CDC25A: variants seen among roughly 807,000 people sequenced by gnomAD.
The protein encoded by CDC25A is M-phase inducer phosphatase 1.
Under a neutral mutation model 64.6 loss-of-function variants are expected in CDC25A, and 17 were observed. That is an observed-to-expected ratio of 0.26 (90% CI 0.18 to 0.39). The LOEUF (loss-of-function observed/expected upper bound fraction) is 0.39. Among genes scored for constraint, CDC25A ranks in the 10% least tolerant of loss-of-function variants. CDC25A has a pLI of 1.00. For missense variants in CDC25A, 473 were observed against 654.8 expected, an observed-to-expected ratio of 0.72 and a Z score of 3.03; for synonymous variants, 229 against 238.6, an observed-to-expected ratio of 0.96 and a Z score of 0.37.
chr3:48,163,797 G>A (rs766035298), intron 13 of CDC25A, among the ~76,000 whole-genome samples: 3 of 152,156 alleles, frequency 2.0e-5, no homozygotes, highest in Non-Finnish European at 4.4e-5. Flanking sequence ...CTCTGCTGCA[G>A]TAGGGTCCTT....
intron 13 of CDC25A, among the ~76,000 whole-genome samples, chr3:48,163,422 T>C (rs1424564234): frequency 4.0e-5 from 6 of 150,394 alleles, no homozygotes; most frequent in African/African-American, 7.4e-5. Flanking sequence ...CTGACCAACA[T>C]GTAGAAACCC....
chr3:48,185,422 C>CAA (rs35677711), intron 2 of CDC25A, among the ~76,000 whole-genome samples: 1,386 of 89,322 alleles, frequency 0.016, 21 homozygotes, highest in South Asian at 0.04. Flanking sequence ...GACCCTGTCT[C>CAA]AAAAAAAAAA....
At chr3:48,161,474 T>C (rs928641634) in intron 13 of CDC25A, 6 of 152,602 alleles carry the variant, frequency 3.9e-5, no homozygotes, top group African/African-American at 1.4e-4. Flanking sequence ...CCAAGCACTT[T>C]GGGAGGCCAG....
At chr3:48,176,843 C>A (rs2032480933) in intron 8 of CDC25A, among the ~76,000 whole-genome samples, 1 of 151,360 alleles carries the variant, frequency 6.6e-6, no homozygotes, top group African/African-American at 2.4e-5. Flanking sequence ...TGGTGGCAGG[C>A]ACCTGTAATC....
At chr3:48,166,731 C>G (rs537387584) in intron 10 of CDC25A, among the ~76,000 whole-genome samples, 20 of 152,272 alleles carry the variant, frequency 1.3e-4, no homozygotes, top group African/African-American at 4.8e-4. Flanking sequence ...CAAATATAAC[C>G]AGGCCTCAAT....
chr3:48,161,043 C>A (rs1162402285), intron 13 of CDC25A: 1 of 149,318 alleles, frequency 6.7e-6, no homozygotes, highest in Non-Finnish European at 1.5e-5. Flanking sequence ...ATCCCAGCTA[C>A]TTGGGAGGCT....
At chr3:48,168,644 AAGAC>A (rs1223359029) in intron 9 of CDC25A, among the ~76,000 whole-genome samples, 1 of 150,780 alleles carries the variant, frequency 6.6e-6, no homozygotes, top group Non-Finnish European at 1.5e-5. Flanking sequence ...TTTTTTTAAA[AAGAC>A]AGAGTCTCGC....
chr3:48,177,582 C>T, intron 7 of CDC25A, 140 bp from the exon 8 acceptor site: 1 of 723,762 alleles, frequency 1.4e-6, no homozygotes. Flanking sequence ...CTATACCGTT[C>T]TGATTTCATG....
chr3:48,178,008 G>A lies in CDC25A; in HGVS notation c.550-20C>T. On this transcript the variant is annotated intron_variant, in intron 6 of 14. Coordinates refer to ENST00000302506, the MANE Select transcript of CDC25A (RefSeq NM_001789.3). The stretch of plus-strand genomic sequence containing the variant: ...GGAAAGCTGTAAGACAAAATTCATG[G>A]ATTAATAATGAGAGCTCTGATCCAC... The A allele has an allele frequency of 1.9e-6, 3 of 1,594,164 alleles. No homozygotes were observed. The highest frequency in any genetic ancestry group is 2.6e-6 in the Non-Finnish European group (3 of 1,169,570).
chr3:48,181,156 C>A (rs1371952458), intron 5 of CDC25A, among the ~76,000 whole-genome samples: 1 of 152,034 alleles, frequency 6.6e-6, no homozygotes, highest in African/African-American at 2.4e-5. Context: ...AATATAATTG[C>A]CTGTGAATAG....
chr3:48,173,571 G>C (rs1352206861), intron 9 of CDC25A, among the ~76,000 whole-genome samples: 1 of 152,130 alleles, frequency 6.6e-6, no homozygotes, highest in Non-Finnish European at 1.5e-5. Flanking sequence ...CCAACAGCAA[G>C]CGGGGGCCTC....
At chr3:48,164,474 T>A (rs1162508401) in intron 12 of CDC25A, 37 bp from the exon 13 acceptor site, 1 of 1,461,478 alleles carries the variant, frequency 6.8e-7, no homozygotes. Flanking sequence ...ACCTGCACGT[T>A]TCACACATGA....
At position 48,184,834 on chromosome 3, in the gene CDC25A, T is replaced by C. The variant is rs2305942; in HGVS notation, c.248-139A>G. The C allele has an allele frequency of 1.5e-3, 917 of 621,710 alleles. 14 individuals are homozygous for C. In the East Asian group the frequency reaches 0.026, roughly 18 times the overall value. 38.5% of individuals were successfully genotyped at this position (621,710 alleles called of 1,614,324 possible). On this transcript the variant is annotated intron_variant, in intron 2 of 14. Transcript: ENST00000302506. The stretch of plus-strand genomic sequence containing the variant: ...TTCATGGCTTGTACTTTTGCCAGAA[T>C]TGATGTTACGTCTATTAGATTGTCA...
At chr3:48,180,048 A>G (rs2106748484) in intron 6 of CDC25A, among the ~76,000 whole-genome samples, 1 of 152,304 alleles carries the variant, frequency 6.6e-6, no homozygotes, top group East Asian at 1.9e-4. Flanking sequence ...AGTGACCCCA[A>G]AACTGCCCAG....
At chr3:48,180,894 G>C in intron 5 of CDC25A, 54 bp from the exon 6 acceptor site, 3 of 1,597,448 alleles carry the variant, frequency 1.9e-6, no homozygotes, top group Non-Finnish European at 1.7e-6. Context: ...TCAGGCCTCA[G>C]CTTGGGTGAA....
In CDC25A at chr3:48,164,247, A is replaced by G; in HGVS notation, c.1322+60T>C. 4 of 1,450,478 alleles carry G rather than the reference A, an allele frequency of 2.8e-6. No individual in the cohort carries two copies. The South Asian group carries it at 6.0e-5, about 22-fold the overall frequency. The allele number at this position is 1,450,478 out of a possible 1,614,324, so 89.9% of individuals were successfully genotyped here. On this transcript the variant is annotated intron_variant, in intron 13 of 14. Transcript: ENST00000302506. ...CTCCAAGTGCAAGCCACAAACCACC[A>G]TGTCCCACAAAAGCATCATGGAGCC...
chr3:48,165,823 G>C lies in CDC25A; in HGVS notation c.1092+8C>G. ...GATGTGTGGTGGGTTTCAAAAGGAT[G>C]GACTTACAATTTCTGGAGAGATGTA... On this transcript the variant is annotated splice_region_variant and intron_variant, in intron 11 of 14. Transcript: ENST00000302506. The C allele has an allele frequency of 6.2e-7, 1 of 1,605,612 alleles. No individual in the cohort carries two copies. Among genetic ancestry groups the C allele is most frequent in the South Asian group, 1.1e-5 (1 of 90,880 alleles).
intron 1 of CDC25A, among the ~76,000 whole-genome samples, chr3:48,187,309 C>T (rs1170474146): frequency 1.3e-5 from 2 of 152,068 alleles, no homozygotes; most frequent in African/African-American, 4.8e-5. Context: ...GTGCACAGGG[C>T]GAGGGACTGA....
At chr3:48,177,511 T>C (rs2032507611) in intron 7 of CDC25A, 69 bp from the exon 8 acceptor site, 1 of 1,197,632 alleles carries the variant, frequency 8.3e-7, no homozygotes, top group Admixed American at 1.8e-5. Context: ...GTGCTTTAGG[T>C]GTGTTTCTCC....
Sources: allele counts gnomAD v4.1 joint callset (sites outside exome capture counted in the v4.1 genomes callset), GRCh38; gene constraint gnomAD v4.1.1; transcripts MANE v1.5; gene names NCBI Gene and HGNC (gene_info 2026-07-23, HGNC 2026-07-21).